RIC3: variants seen among roughly 807,000 people sequenced by gnomAD.
RIC3 encodes the protein protein RIC-3.
Under a neutral mutation model 27.3 loss-of-function variants are expected in RIC3, and 28 were observed. The ratio of observed to expected loss-of-function variants is 1.02; its 90% confidence interval spans 0.76 to 1.41. RIC3 has a LOEUF of 1.41. Among genes scored for constraint, RIC3 ranks in the 40% most tolerant of loss-of-function variants. The pLI, the probability that RIC3 is intolerant of heterozygous loss-of-function variation, is 0.00. For synonymous variants in RIC3, 184 were observed against 160.4 expected, an observed-to-expected ratio of 1.15 and a Z score of -1.11; for missense variants, 501 against 444.7, an observed-to-expected ratio of 1.13 and a Z score of -1.14.
the RIC3 span, among the ~76,000 whole-genome samples, chr11:8,100,082 CCAA>C: frequency 6.6e-6 from 1 of 152,006 alleles, no homozygotes; most frequent in Non-Finnish European, 1.5e-5. Context: ...AATAGGAGGG[CCAA>C]CAACAGAAAC....
At chr11:8,101,855 T>TGATTTG, downstream of RIC3, 1 of 475,826 alleles carries the variant, frequency 2.1e-6, no homozygotes, top group South Asian at 3.6e-5. Flanking sequence ...ATTCTTTCCA[T>TGATTTG]GCCACGAGAT....
At chr11:8,139,691 C>G in intron 2 of RIC3, 1 of 205,002 alleles carries the variant, frequency 4.9e-6, no homozygotes. Context: ...TTGTATCACT[C>G]ACTGGATTAA....
At chr11:8,153,430 T>C (rs1387001470) in intron 1 of RIC3, 2 of 452,630 alleles carry the variant, frequency 4.4e-6, no homozygotes, top group Non-Finnish European at 8.8e-6. Context: ...TTTTCTGCAA[T>C]ACAAAAAAGT....
chr11:8,101,633 C>T (rs1944312235), downstream of RIC3: 4 of 1,613,666 alleles, frequency 2.5e-6, no homozygotes, highest in Middle Eastern at 3.3e-4. Context: ...CCTCTTCGTG[C>T]CCTTTGGGGT....
chr11:8,100,407 TG>T, the RIC3 span: 1 of 930,910 alleles, frequency 1.1e-6, no homozygotes, highest in Non-Finnish European at 1.7e-6. Context: ...GTGGAGATGG[TG>T]GGAACTAGCT....
chr11:8,131,662 A>G (rs1947733708), intron 4 of RIC3, among the ~76,000 whole-genome samples: 1 of 152,126 alleles, frequency 6.6e-6, no homozygotes, highest in East Asian at 1.9e-4. Context: ...GCACTTTGGG[A>G]GGCCAAGGTG....
chr11:8,131,695 G>C (rs1228181238), intron 4 of RIC3, among the ~76,000 whole-genome samples: 1 of 152,036 alleles, frequency 6.6e-6, no homozygotes, highest in African/African-American at 2.4e-5. Context: ...GAGGTCAGGA[G>C]TTCGAGTCAA....
Position 8,138,345 on chromosome 11 carries a change from G to C in RIC3, c.354C>G (p.Leu118=), listed in dbSNP as rs10839976. ...CCTCTGCAGTTGTTTTCCCCTTTGA[G>C]AGCTGAGAATTGAAGGAGGTATAGC... ...FLYILYILFK[L]SKGKTTAEDG... Residue 118 remains leucine, a splice_region_variant and synonymous_variant, in exon 3 of 6, where the codon CTC becomes CTG. Coordinates refer to ENST00000309737, the MANE Select transcript of RIC3 (RefSeq NM_001206671.4). 2 of 1,609,160 alleles carry C rather than the reference G, an allele frequency of 1.2e-6. No homozygotes were observed. Among genetic ancestry groups the C allele is most frequent in the South Asian group, 2.2e-5 (2 of 90,930 alleles).
At chr11:8,111,230 G>T in intron 5 of RIC3, 93 bp from the exon 6 acceptor site, 2 of 906,334 alleles carry the variant, frequency 2.2e-6, no homozygotes, top group Non-Finnish European at 3.3e-6. Context: ...TCAGGCAGCA[G>T]CCATCCTATC....
intron 4 of RIC3, chr11:8,128,265 T>G: frequency 2.2e-6 from 1 of 457,390 alleles, no homozygotes; most frequent in Non-Finnish European, 4.4e-6. Context: ...ATGTTACTTT[T>G]CCAGACTGTA....
At chr11:8,126,950 C>A in intron 4 of RIC3, 143 bp from the exon 5 acceptor site, 1 of 919,424 alleles carries the variant, frequency 1.1e-6, no homozygotes, top group Admixed American at 2.0e-5. Context: ...CCTCCAACTG[C>A]ATAGCTGGGA....
At chr11:8,163,374 A>C (rs1212362803) in intron 1 of RIC3, among the ~76,000 whole-genome samples, 2 of 152,170 alleles carry the variant, frequency 1.3e-5, no homozygotes, top group East Asian at 1.9e-4. Context: ...AAGATCAAGG[A>C]CAAGAAAGGA....
chr11:8,140,869 C>T (rs1052299110), intron 1 of RIC3, among the ~76,000 whole-genome samples: 1 of 151,488 alleles, frequency 6.6e-6, no homozygotes, highest in Admixed American at 6.6e-5. Flanking sequence ...AGAGTGGGGG[C>T]CAATATTCAA....
intron 1 of RIC3, among the ~76,000 whole-genome samples, chr11:8,143,977 T>C (rs1383437970): frequency 2.6e-5 from 4 of 152,320 alleles, no homozygotes; most frequent in Non-Finnish European, 4.4e-5. Flanking sequence ...GCTAGCCATA[T>C]GTAGAAAGCT....
chr11:8,163,202 C>T (rs1284300710), intron 1 of RIC3, among the ~76,000 whole-genome samples: 2 of 152,072 alleles, frequency 1.3e-5, no homozygotes, highest in Admixed American at 6.5e-5. Context: ...TCATAATCAT[C>T]TCAACAGACA....
chr11:8,115,659 T>C (rs532196711), intron 5 of RIC3, among the ~76,000 whole-genome samples: 16 of 152,018 alleles, frequency 1.1e-4, no homozygotes, highest in Non-Finnish European at 1.6e-4. Flanking sequence ...AATACAAAAT[T>C]AGCTCGGCAT....
chr11:8,137,537 A>T, intron 3 of RIC3, 66 bp from the exon 4 acceptor site: 4 of 1,272,588 alleles, frequency 3.1e-6, no homozygotes, highest in Non-Finnish European at 4.5e-6. Flanking sequence ...AAGAGACCAC[A>T]AATTTTTAAA....
downstream of RIC3, chr11:8,105,621 T>TAAAG (rs1192318751): frequency 1.3e-5 from 2 of 152,158 alleles, no homozygotes; most frequent in Non-Finnish European, 2.9e-5. Flanking sequence ...AACCACAAGA[T>TAAAG]AAAGATGTTA....
intron 1 of RIC3, 138 bp from the exon 2 acceptor site, chr11:8,140,331 C>T (rs6578932): frequency 0.41 from 294,621 of 717,732 alleles, 67,779 homozygotes; most frequent in African/African-American, 0.79. Flanking sequence ...TAAAAGGATA[C>T]AGAGGTATCA....
Sources: gnomAD v4.1 joint callset for allele counts (sites outside exome capture counted in the v4.1 genomes callset) on GRCh38, gnomAD v4.1.1 for gene constraint, MANE v1.5 for transcripts, NCBI Gene and HGNC (gene_info 2026-07-23, HGNC 2026-07-21) for gene names.